AUH: variants seen among roughly 807,000 people sequenced by gnomAD.
AUH encodes AU RNA binding methylglutaconyl-CoA hydratase.
In AUH, 29 loss-of-function variants were observed where a neutral mutation model predicts 42.3. That is an observed-to-expected ratio of 0.69 (90% CI 0.51 to 0.93). The LOEUF (loss-of-function observed/expected upper bound fraction) is 0.93. Ranked by LOEUF, AUH falls within the 40% of genes least tolerant of loss-of-function variation. The pLI is 0.00. For missense variants in AUH, 452 were observed against 438.1 expected (o/e 1.03, Z -0.28); for synonymous variants, 174 against 166.4 (o/e 1.05, Z -0.35).
chr9:91,243,191 G>A (rs1033099429), intron 6 of AUH, among the ~76,000 whole-genome samples: 6 of 152,182 alleles, frequency 3.9e-5, no homozygotes, highest in Admixed American at 3.9e-4. Flanking sequence ...GTCTCATTCT[G>A]CAAGTCACCT....
At chr9:91,344,686 T>G (rs567367036) in intron 3 of AUH, among the ~76,000 whole-genome samples, 7 of 152,296 alleles carry the variant, frequency 4.6e-5, no homozygotes, top group South Asian at 2.1e-4. Context: ...TATGCAAACT[T>G]GTTCAGGGAA....
intron 6 of AUH, among the ~76,000 whole-genome samples, chr9:91,257,402 C>T (rs1829463055): frequency 1.3e-5 from 2 of 152,092 alleles, no homozygotes; most frequent in Non-Finnish European, 2.9e-5. Context: ...CAGCAATGGA[C>T]ACATGCCACC....
At position 91,214,134 on chromosome 9, in the gene AUH, C is replaced by A; in HGVS notation, c.*214G>T. 1 of 515,550 alleles carries A rather than the reference C, an allele frequency of 1.9e-6. No homozygotes were observed. Among genetic ancestry groups the A allele is most frequent in the Non-Finnish European group, 3.5e-6 (1 of 285,876 alleles). The allele number at this position is 515,550 out of a possible 1,614,324, so 31.9% of individuals were successfully genotyped here. On this transcript the variant is annotated 3_prime_UTR_variant, in exon 10 of 10. Coordinates refer to ENST00000375731, the MANE Select transcript of AUH (RefSeq NM_001698.3). ...AACTTTGATTCTGTTTCTGACTATA[C>A]ACTACTAGCTTTATAAATCTGAATG... is the stretch of plus-strand genomic sequence containing the variant.
At chr9:91,355,381 A>T (rs1020075599) in intron 3 of AUH, among the ~76,000 whole-genome samples, 2 of 152,114 alleles carry the variant, frequency 1.3e-5, no homozygotes, top group African/African-American at 4.8e-5. Context: ...ACATGGTGAA[A>T]TCCTGTCTCT....
chr9:91,308,584 T>A (rs1413530038), intron 4 of AUH, among the ~76,000 whole-genome samples: 1 of 152,154 alleles, frequency 6.6e-6, no homozygotes, highest in Non-Finnish European at 1.5e-5. Context: ...CACTTCAAAT[T>A]TCTAATAATT....
chr9:91,295,491 G>C (rs1028842644), intron 6 of AUH, among the ~76,000 whole-genome samples: 1 of 152,122 alleles, frequency 6.6e-6, no homozygotes, highest in Non-Finnish European at 1.5e-5. Flanking sequence ...ATGCTACAGA[G>C]AAATCTCTTG....
At chr9:91,356,419 C>A (rs1832421080) in intron 1 of AUH, among the ~76,000 whole-genome samples, 1 of 152,174 alleles carries the variant, frequency 6.6e-6, no homozygotes, top group Non-Finnish European at 1.5e-5. Context: ...AATGTGGTTT[C>A]ATCATCTTCA....
intron 6 of AUH, among the ~76,000 whole-genome samples, chr9:91,253,026 T>C (rs1829221381): frequency 6.6e-6 from 1 of 152,248 alleles, no homozygotes; most frequent in African/African-American, 2.4e-5. Flanking sequence ...CTTCAGAGAA[T>C]AATTCATCAT....
At chr9:91,219,006 C>G in intron 7 of AUH, 1 of 985,430 alleles carries the variant, frequency 1.0e-6, no homozygotes, top group Non-Finnish European at 1.2e-6. Flanking sequence ...GAGTGTCCTT[C>G]CAATGAAAGG....
chr9:91,239,786 C>A (rs532906763), intron 6 of AUH, among the ~76,000 whole-genome samples: 16 of 152,202 alleles, frequency 1.1e-4, no homozygotes, highest in Admixed American at 3.3e-4. Flanking sequence ...AGACAGAGGG[C>A]TATGTAAGGA....
chr9:91,228,415 T>G (rs1827653471), intron 6 of AUH, among the ~76,000 whole-genome samples: 1 of 148,502 alleles, frequency 6.7e-6, no homozygotes, highest in South Asian at 2.2e-4. Flanking sequence ...TTTATCATTT[T>G]TTATTGCGTC....
chr9:91,319,682 G>A (rs886940377), intron 4 of AUH, among the ~76,000 whole-genome samples: 2 of 152,216 alleles, frequency 1.3e-5, no homozygotes, highest in East Asian at 3.9e-4. Flanking sequence ...GGTGCCTCAA[G>A]TAGGCAGGCC....
At chr9:91,299,550 AAGGAC>A (rs1449058966) in intron 4 of AUH, among the ~76,000 whole-genome samples, 1 of 152,150 alleles carries the variant, frequency 6.6e-6, no homozygotes, top group Admixed American at 6.5e-5. Flanking sequence ...AGGGACTTGA[AAGGAC>A]AGGACAAATT....
At position 91,323,747 on chromosome 9, in the gene AUH, A is replaced by G. The variant is rs191384242; in HGVS notation, c.505+1571T>C. 1.0e-3 allele frequency among the ~76,000 whole-genome samples: 154 copies of G among 152,172 alleles called. 1 individual carries two copies. The highest frequency in any genetic ancestry group is 3.6e-3 in the African/African-American group (150 of 41,534). ...ATAGCTAGGAATATATTTGAGGGGGAAAAAAAGATATAAGACCAAGAAAAG... is the reference window on the plus strand; with the variant it reads ...ATAGCTAGGAATATATTTGAGGGGGGAAAAAAGATATAAGACCAAGAAAAG... On this transcript the variant is annotated intron_variant, in intron 4 of 9. Coordinates refer to ENST00000375731, the MANE Select transcript of AUH (RefSeq NM_001698.3).
At chr9:91,342,730 G>C (rs542446856) in intron 3 of AUH, 2 of 152,268 alleles carry the variant, frequency 1.3e-5, no homozygotes, top group South Asian at 4.1e-4. Flanking sequence ...GAAAGGGCAC[G>C]AGTACTCTGA....
At chr9:91,313,986 G>C (rs1430286911) in intron 4 of AUH, among the ~76,000 whole-genome samples, 1 of 151,708 alleles carries the variant, frequency 6.6e-6, no homozygotes, top group Non-Finnish European at 1.5e-5. Context: ...ACCACGCCTG[G>C]CTAATTTCTG....
chr9:91,309,357 TCTTA>T (rs1282288819), intron 4 of AUH, among the ~76,000 whole-genome samples: 1 of 152,086 alleles, frequency 6.6e-6, no homozygotes, highest in Non-Finnish European at 1.5e-5. Context: ...TTACTGTTCA[TCTTA>T]CTTGGCCTGT....
At chr9:91,217,233 C>A in intron 8 of AUH, 44 bp downstream of exon 8, 1 of 1,566,366 alleles carries the variant, frequency 6.4e-7, no homozygotes, top group South Asian at 1.1e-5. Flanking sequence ...AATTAAATCT[C>A]CACTCTCCAT....
At chr9:91,270,667 C>T (rs1436147626) in intron 6 of AUH, among the ~76,000 whole-genome samples, 1 of 151,982 alleles carries the variant, frequency 6.6e-6, no homozygotes, top group Non-Finnish European at 1.5e-5. Context: ...TCAATTCTGA[C>T]TGTGATCAAA....
Sources: gnomAD v4.1 joint callset for allele counts (sites outside exome capture counted in the v4.1 genomes callset) on GRCh38, gnomAD v4.1.1 for gene constraint, MANE v1.5 for transcripts, NCBI Gene and HGNC (gene_info 2026-07-23, HGNC 2026-07-21) for gene names.